The following KCNJ15 variants were observed in gnomAD, a reference collection of about 807,000 sequenced individuals.
KCNJ15 encodes the protein potassium inwardly rectifying channel subfamily J member 15, also known as ATP-sensitive inward rectifier potassium channel 15.
KCNJ15 carries 14 observed loss-of-function variants against 23.0 expected under a neutral mutation model. The ratio of observed to expected loss-of-function variants is 0.61; its 90% CI spans 0.40 to 0.95. KCNJ15 has a LOEUF of 0.95. Among genes scored for constraint, KCNJ15 ranks in the 40% least tolerant of loss-of-function variants. The pLI, the probability that KCNJ15 is intolerant of heterozygous loss-of-function variation, is 0.00. For synonymous variants in KCNJ15, 185 were observed against 183.2 expected, an observed-to-expected ratio of 1.01 and a Z score of -0.08; for missense variants, 388 against 461.8, an observed-to-expected ratio of 0.84 and a Z score of 1.46.
Position 38,300,241 on chromosome 21 carries a change from T to C in KCNJ15, c.980T>C (p.Phe327Ser). ...AAAAATGGAAAATATGTGGCTGATT[T>C]CAGTCAGTTTGAACAGATTCGGAAA... ...LSKNGKYVAD[F>S]SQFEQIRKSP... Residue 327 changes from phenylalanine to serine, a missense_variant, in exon 3 of 3, where the codon TTC becomes TCC. Physicochemically the swap from Phe to Ser is radical, Grantham distance 155 (BLOSUM62 -2). Transcript: ENST00000398938. The C allele has an allele frequency of 6.2e-7, 1 of 1,614,232 alleles. No homozygotes were observed. The highest frequency in any genetic ancestry group is 8.5e-7 in the Non-Finnish European group (1 of 1,180,042).
chr21:38,251,475 A>G (rs1243498688), intron 1 of KCNJ15, among the ~76,000 whole-genome samples: 2 of 152,230 alleles, frequency 1.3e-5, no homozygotes, highest in Non-Finnish European at 2.9e-5. Flanking sequence ...TAACTCCAGT[A>G]GAAGTTTAAA....
intron 1 of KCNJ15, among the ~76,000 whole-genome samples, chr21:38,232,019 T>C (rs1978322678): frequency 6.6e-6 from 1 of 151,880 alleles, no homozygotes; most frequent in South Asian, 2.1e-4. Flanking sequence ...TTTTGAATAA[T>C]TGTAATAATC....
In KCNJ15 at chr21:38,301,850, CAAAG is replaced by C. The variant is rs796566417; in HGVS notation, c.*1463_*1466del. The C allele has an allele frequency of 1.2e-4, 20 of 167,126 alleles. No homozygotes were observed. Among genetic ancestry groups the C allele is most frequent in the African/African-American group, 4.8e-4 (20 of 41,552 alleles). The allele number at this position is 167,126 out of a possible 1,614,324, so 10.4% of individuals were successfully genotyped here. A position where few individuals can be genotyped will look rare whatever the true frequency, so the allele number is the denominator to read the frequency against. On this transcript the variant is annotated 3_prime_UTR_variant, in exon 3 of 3. Transcript: ENST00000398938. ...AAGGTGAATTCTCATTTCATTCAAA[CAAAG>C]ACAGATTTGCGCATTCACTCAAGCA...
chr21:38,294,033 G>A (rs1044229332), intron 1 of KCNJ15, among the ~76,000 whole-genome samples: 5 of 152,200 alleles, frequency 3.3e-5, no homozygotes, highest in Admixed American at 2.6e-4. Flanking sequence ...GACCACAGTC[G>A]AGGGAGCCCA....
intron 1 of KCNJ15, among the ~76,000 whole-genome samples, chr21:38,293,712 T>G (rs896859063): frequency 2.0e-5 from 3 of 148,080 alleles, no homozygotes; most frequent in Non-Finnish European, 4.5e-5. Flanking sequence ...CATCCTTCAG[T>G]CCTCAGTAGT....
chr21:38,255,404 G>A (rs1053660380), upstream of KCNJ15, among the ~76,000 whole-genome samples: 2 of 152,134 alleles, frequency 1.3e-5, no homozygotes, highest in Admixed American at 6.5e-5. Context: ...ATATCCTCGC[G>A]GGAGGTCTAT....
chr21:38,279,302 A>G (rs1983080924), intron 1 of KCNJ15, among the ~76,000 whole-genome samples: 2 of 152,148 alleles, frequency 1.3e-5, no homozygotes, highest in South Asian at 2.1e-4. Flanking sequence ...TTGCAAGAGC[A>G]ATCTGGAACA....
At chr21:38,269,541 G>C (rs1409828334) in intron 1 of KCNJ15, among the ~76,000 whole-genome samples, 1 of 152,110 alleles carries the variant, frequency 6.6e-6, no homozygotes, top group African/African-American at 2.4e-5. Context: ...TATCTCCTCT[G>C]TTTTATAAGG....
intron 1 of KCNJ15, chr21:38,272,217 C>G (rs901831307): frequency 3.3e-5 from 5 of 152,196 alleles, no homozygotes; most frequent in African/African-American, 1.2e-4. Flanking sequence ...CTGGAGCTAT[C>G]TCAGATATAA....
chr21:38,232,774 TATTA>T (rs946462532), intron 1 of KCNJ15, among the ~76,000 whole-genome samples: 3 of 151,926 alleles, frequency 2.0e-5, no homozygotes, highest in African/African-American at 7.2e-5. Flanking sequence ...TTTATTCTAT[TATTA>T]ATTTCTGATT....
intron 1 of KCNJ15, among the ~76,000 whole-genome samples, chr21:38,295,149 C>T (rs1985010269): frequency 6.6e-6 from 1 of 152,164 alleles, no homozygotes; most frequent in East Asian, 1.9e-4. Flanking sequence ...CAGTATATTA[C>T]TTTTATTATT....
chr21:38,291,025 C>CACACACAT (rs1555885288), intron 1 of KCNJ15, among the ~76,000 whole-genome samples: 459 of 151,052 alleles, frequency 3.0e-3, no homozygotes, highest in East Asian at 0.012. Flanking sequence ...CACACACACA[C>CACACACAT]GTATATATAG....
Position 38,299,152 on chromosome 21 carries a change from T to C in KCNJ15, c.-18-92T>C. The C allele has an allele frequency of 1.0e-6, 1 of 977,362 alleles. No individual in the cohort carries two copies. Among genetic ancestry groups the C allele is most frequent in the Non-Finnish European group, 1.5e-6 (1 of 645,858 alleles). The allele number at this position is 977,362 out of a possible 1,614,324, so 60.5% of individuals were successfully genotyped here. A position where few individuals can be genotyped will look rare whatever the true frequency, so the allele number is the denominator to read the frequency against. On this transcript the variant is annotated intron_variant, in intron 2 of 2. Transcript: ENST00000398938. The surrounding 1 kb of genome is among the most constrained non-coding windows in gnomAD (Gnocchi z 4.5). ...AATTCTCCTTTCTTGTGTACTTCCA[T>C]GTACATTCATACTTACTTCACATGA...
rs1985743914 is a variant in KCNJ15, at chr21:38,301,061, T to C, written c.*672T>C. 1 of 166,926 alleles carries C rather than the reference T, an allele frequency of 6.0e-6. No individual in the cohort carries two copies. 10.3% of individuals were successfully genotyped at this position (166,926 alleles called of 1,614,324 possible). ...ATTGTTTCCTCTATTTTATTTTATTTATTTTTGAATCCACTATCTCTTTCC... is the reference window on the plus strand; with the variant it reads ...ATTGTTTCCTCTATTTTATTTTATTCATTTTTGAATCCACTATCTCTTTCC... On this transcript the variant is annotated 3_prime_UTR_variant, in exon 3 of 3. Coordinates refer to ENST00000398938, the MANE Select transcript of KCNJ15 (RefSeq NM_170736.3).
In KCNJ15 at chr21:38,299,215, T is replaced by A. The variant is rs374635396; in HGVS notation, c.-18-29T>A. ...CTGGAAGTTCCACCACATATGGCGA[T>A]AATGAAACATCTTTGTCATTTCTCT... On this transcript the variant is annotated intron_variant, in intron 2 of 2. Coordinates refer to ENST00000398938, the MANE Select transcript of KCNJ15 (RefSeq NM_170736.3). The surrounding 1 kb of genome is among the most constrained non-coding windows in gnomAD (Gnocchi z 4.5). 6.6e-7 allele frequency: 1 copy of A among 1,523,134 alleles called. No homozygotes were observed. Among genetic ancestry groups the A allele is most frequent in the Admixed American group, 1.9e-5 (1 of 53,260 alleles). 94.4% of individuals were successfully genotyped at this position (1,523,134 alleles called of 1,614,324 possible).
intron 1 of KCNJ15, among the ~76,000 whole-genome samples, chr21:38,293,382 G>A (rs1005644251): frequency 6.6e-6 from 1 of 152,144 alleles, no homozygotes. Context: ...CCTGACACAA[G>A]GGAGTAGGAA....
intron 1 of KCNJ15, among the ~76,000 whole-genome samples, chr21:38,288,030 GTTTTTTTT>G (rs71184612): frequency 9.9e-4 from 81 of 81,440 alleles, no homozygotes; most frequent in African/African-American, 3.8e-3. Context: ...TTTTTTCTTT[GTTTTTTTT>G]TTTTTTTTTT....
Position 38,305,093 on chromosome 21 carries a change from A to AG in KCNJ15, c.*4704_*4705insG, listed in dbSNP as rs1555886966. 1 of 148,548 alleles carries AG rather than the reference A, an allele frequency of 6.7e-6. No individual in the cohort carries two copies. The highest frequency in any genetic ancestry group is 6.7e-5 in the Admixed American group (1 of 14,932). 9.2% of individuals were successfully genotyped at this position (148,548 alleles called of 1,614,324 possible). On this transcript the variant is annotated 3_prime_UTR_variant, in exon 3 of 3. Transcript: ENST00000398938. ...AAAACTCCGTCTCAAAAAAAAAAAA[A>AG]AAAAGAAAAAGAAAAAGAAAAGAAA...
intron 1 of KCNJ15, among the ~76,000 whole-genome samples, chr21:38,233,416 C>T (rs1029939828): frequency 6.6e-6 from 1 of 152,082 alleles, no homozygotes; most frequent in African/African-American, 2.4e-5. Context: ...TTAATCCATT[C>T]ACATTGCATA....
Sources: allele counts gnomAD v4.1 joint callset (sites outside exome capture counted in the v4.1 genomes callset), GRCh38; gene constraint gnomAD v4.1.1; non-coding constraint Gnocchi (gnomAD v3.1); transcripts MANE v1.5; gene names NCBI Gene and HGNC (gene_info 2026-07-23, HGNC 2026-07-21).